The following GLB1 variants were observed in gnomAD, a reference collection of about 807,000 sequenced individuals.
GLB1 encodes the protein galactosidase beta 1, also known as beta-galactosidase.
Under a neutral mutation model 74.0 loss-of-function variants are expected in GLB1, and 56 were observed. The ratio of observed to expected loss-of-function variants is 0.76; its 90% CI spans 0.61 to 0.94. GLB1 has a LOEUF of 0.94. Among genes scored for constraint, GLB1 ranks in the 40% least tolerant of loss-of-function variants. GLB1 has a pLI of 0.00. For missense variants in GLB1, 787 were observed against 845.5 expected (o/e 0.93, Z 0.86); for synonymous variants, 323 against 323.6 (o/e 1.00, Z 0.02).
downstream of GLB1, among the ~76,000 whole-genome samples, chr3:32,993,421 T>C (rs1696258661): frequency 6.6e-6 from 1 of 151,760 alleles, no homozygotes; most frequent in Non-Finnish European, 1.5e-5. Flanking sequence ...AGTGGTGTGA[T>C]CTCAGCTCAC....
chr3:33,064,101 G>C (rs1342487032), intron 5 of GLB1, among the ~76,000 whole-genome samples: 1 of 152,200 alleles, frequency 6.6e-6, no homozygotes, highest in African/African-American at 2.4e-5. Flanking sequence ...GGGATGTCCA[G>C]GATGCAGCCA....
At chr3:33,005,852 G>T (rs897365089) in intron 15 of GLB1, among the ~76,000 whole-genome samples, 3 of 152,096 alleles carry the variant, frequency 2.0e-5, no homozygotes, top group African/African-American at 7.2e-5. Flanking sequence ...TCTTTCAACC[G>T]TTTATCATAC....
In GLB1 at chr3:33,071,526, A is replaced by C. The variant is rs562329427; in HGVS notation, c.245+1018T>G. 4.6e-5 allele frequency among the ~76,000 whole-genome samples: 7 copies of C among 152,320 alleles called. No homozygotes were observed. In the East Asian group the frequency reaches 7.7e-4, roughly 17 times the overall value. ...ATACAATTACCGCAGCAGAACCACA[A>C]AGCCAAACTGGGTTTCAGAAATCTA... On this transcript the variant is annotated intron_variant, in intron 2 of 15. Transcript: ENST00000307363.
At chr3:32,971,302 C>T in the GLB1 span, among the ~76,000 whole-genome samples, 1 of 152,166 alleles carries the variant, frequency 6.6e-6, no homozygotes, top group African/African-American at 2.4e-5. Context: ...CCTTGGAGTT[C>T]CACTACTAAT....
chr3:32,992,781 T>C (rs544762102), downstream of GLB1, among the ~76,000 whole-genome samples: 27 of 152,326 alleles, frequency 1.8e-4, no homozygotes, highest in South Asian at 5.4e-3. Context: ...ACAGAGCAAC[T>C]GTCTGGTGAG....
At chr3:33,080,139 T>A (rs905710197) in intron 1 of GLB1, among the ~76,000 whole-genome samples, 1 of 152,076 alleles carries the variant, frequency 6.6e-6, no homozygotes, top group East Asian at 1.9e-4. Flanking sequence ...GTTTCACTCT[T>A]GTGGCCCAGG....
At chr3:33,019,511 GAAAGT>G (rs777016510) in intron 12 of GLB1, among the ~76,000 whole-genome samples, 1 of 152,120 alleles carries the variant, frequency 6.6e-6, no homozygotes, top group Non-Finnish European at 1.5e-5. Context: ...CAGAAAGAAA[GAAAGT>G]AAACTTCAGG....
chr3:33,092,790 G>T, intron 1 of GLB1: 12 of 1,542,156 alleles, frequency 7.8e-6, no homozygotes, highest in Non-Finnish European at 1.0e-5. Flanking sequence ...AGGATGGAGG[G>T]TCGAGGACAA....
chr3:33,037,052 T>C (rs35516563), intron 10 of GLB1, among the ~76,000 whole-genome samples: 14,937 of 151,778 alleles, frequency 0.098, 867 homozygotes, highest in Non-Finnish European at 0.14. Context: ...CAATTAATTT[T>C]TTTTTTTTTT....
chr3:32,970,938 A>T, the GLB1 span, among the ~76,000 whole-genome samples: 2 of 152,184 alleles, frequency 1.3e-5, no homozygotes, highest in African/African-American at 4.8e-5. Context: ...CCTCCTATAA[A>T]GGGCCTATTT....
chr3:32,995,403 T>A (rs1198768016), downstream of GLB1, among the ~76,000 whole-genome samples: 2 of 152,160 alleles, frequency 1.3e-5, no homozygotes, highest in African/African-American at 2.4e-5. Flanking sequence ...GAAATGAGGG[T>A]ATGAGTCCAT....
At position 33,007,390 on chromosome 3, in the gene GLB1, C is replaced by G. The variant is rs915903674; in HGVS notation, c.1734+6666G>C. 2.0e-5 allele frequency among the ~76,000 whole-genome samples: 3 copies of G among 152,252 alleles called. No homozygotes were observed. The East Asian group carries it at 5.8e-4, about 29-fold the overall frequency. ...CAACCAACACTCTCTTTTCCCTGCTCTAGGCAATCACAGATCTTCCTGTCT... is the reference window on the plus strand; with the variant it reads ...CAACCAACACTCTCTTTTCCCTGCTGTAGGCAATCACAGATCTTCCTGTCT... On this transcript the variant is annotated intron_variant, in intron 15 of 15. Transcript: ENST00000307363.
At chr3:32,986,220 G>A in the GLB1 span, among the ~76,000 whole-genome samples, 3 of 152,224 alleles carry the variant, frequency 2.0e-5, no homozygotes, top group Admixed American at 2.0e-4. Context: ...TGTAGCAGAT[G>A]CTGCTGATGC....
intron 10 of GLB1, chr3:33,045,569 C>T (rs1467733223): frequency 2.0e-6 from 2 of 990,698 alleles, no homozygotes; most frequent in Non-Finnish European, 2.4e-6. Flanking sequence ...TTCTTATACA[C>T]TTTGGTTACT....
intron 1 of GLB1, among the ~76,000 whole-genome samples, chr3:33,073,005 G>T (rs1406450107): frequency 6.6e-6 from 1 of 152,086 alleles, no homozygotes; most frequent in African/African-American, 2.4e-5. Context: ...CCACTGTGCT[G>T]TTCATGGGGC....
At chr3:33,015,493 ATG>A (rs1697203657) in intron 14 of GLB1, among the ~76,000 whole-genome samples, 1 of 152,140 alleles carries the variant, frequency 6.6e-6, no homozygotes, top group Non-Finnish European at 1.5e-5. Flanking sequence ...CCTGGCTTGT[ATG>A]TAGGGAACTT....
At chr3:33,078,499 T>A (rs575712005) in intron 1 of GLB1, among the ~76,000 whole-genome samples, 1 of 152,338 alleles carries the variant, frequency 6.6e-6, no homozygotes, top group African/African-American at 2.4e-5. Context: ...TAGAAAGTAG[T>A]CCTCATTATT....
At chr3:33,030,635 A>G (rs376044228) in intron 10 of GLB1, 91 of 985,454 alleles carry the variant, frequency 9.2e-5, no homozygotes, top group African/African-American at 7.8e-4. Flanking sequence ...AAGCTTTTGA[A>G]GTACAGAAAA....
chr3:33,015,969 G>C (rs778431711), intron 14 of GLB1, among the ~76,000 whole-genome samples: 13 of 152,102 alleles, frequency 8.5e-5, no homozygotes, highest in Non-Finnish European at 1.5e-4. Context: ...CGCGGAGTGG[G>C]AGCTTAACAA....
Sources: allele counts gnomAD v4.1 joint callset (sites outside exome capture counted in the v4.1 genomes callset), GRCh38; gene constraint gnomAD v4.1.1; transcripts MANE v1.5; gene names NCBI Gene and HGNC (gene_info 2026-07-23, HGNC 2026-07-21).